Variants in FRMD3 observed in about 807,000 individuals in gnomAD.
FRMD3 encodes the protein FERM domain-containing protein 3.
Under a neutral mutation model 70.2 loss-of-function variants are expected in FRMD3, and 33 were observed. The observed-to-expected ratio is 0.47, with a 90% CI of 0.36 to 0.63. The LOEUF (loss-of-function observed/expected upper bound fraction) is 0.63, where lower values mean the gene tolerates loss of function less well. Ranked by LOEUF, FRMD3 falls within the 20% of genes least tolerant of loss-of-function variation. The pLI is 0.00. For synonymous variants in FRMD3, 279 were observed against 255.9 expected, an observed-to-expected ratio of 1.09 and a Z score of -0.86; for missense variants, 632 against 711.4, an observed-to-expected ratio of 0.89 and a Z score of 1.27.
chr9:83,470,057 A>C (rs540555837), intron 1 of FRMD3, among the ~76,000 whole-genome samples: 1 of 152,328 alleles, frequency 6.6e-6, no homozygotes, highest in South Asian at 2.1e-4. Flanking sequence ...GGAGCTATGA[A>C]CTCATAACCA....
intron 6 of FRMD3, among the ~76,000 whole-genome samples, chr9:83,328,912 A>G (rs1018739483): frequency 6.6e-6 from 1 of 152,244 alleles, no homozygotes; most frequent in African/African-American, 2.4e-5. Flanking sequence ...TCTATGCATA[A>G]GTTAGAATCA....
intron 13 of FRMD3, among the ~76,000 whole-genome samples, chr9:83,283,825 G>A (rs1834077238): frequency 6.6e-6 from 1 of 151,952 alleles, no homozygotes; most frequent in Admixed American, 6.6e-5. Flanking sequence ...TTCTAATTTA[G>A]GACATTTAAC....
At chr9:83,510,917 GAAATGTCCTA>G (rs1187399788) in intron 1 of FRMD3, among the ~76,000 whole-genome samples, 1 of 152,198 alleles carries the variant, frequency 6.6e-6, no homozygotes, top group African/African-American at 2.4e-5. Context: ...CTGGAAGGAT[GAAATGTCCTA>G]AAATTGACTG....
At chr9:83,452,459 C>A (rs1156772959) in intron 1 of FRMD3, among the ~76,000 whole-genome samples, 5 of 127,580 alleles carry the variant, frequency 3.9e-5, no homozygotes, top group Non-Finnish European at 6.6e-5. Flanking sequence ...CCCGTATGAA[C>A]TAATGCTTGA....
intron 2 of FRMD3, among the ~76,000 whole-genome samples, chr9:83,383,261 T>G (rs1825412073): frequency 6.6e-6 from 1 of 152,216 alleles, no homozygotes. Flanking sequence ...TGAGCCCTGC[T>G]CAAATCCCTG....
At chr9:83,265,183 GA>G (rs1397368924) in intron 13 of FRMD3, among the ~76,000 whole-genome samples, 1 of 152,006 alleles carries the variant, frequency 6.6e-6, no homozygotes, top group Non-Finnish European at 1.5e-5. Context: ...GGCGGATCAC[GA>G]GGTCAGGAGA....
Position 83,444,900 on chromosome 9 carries a change from G to A in FRMD3, c.148-55192C>T, listed in dbSNP as rs562762712. On this transcript the variant is annotated intron_variant, in intron 1 of 13. Transcript: ENST00000304195. ...GCTTCCAGGAAGTTCAAAGCCAAATGCATGATCCTGCAACAACTATGCCAA... is the reference window on the plus strand; with the variant it reads ...GCTTCCAGGAAGTTCAAAGCCAAATACATGATCCTGCAACAACTATGCCAA... Among the ~76,000 whole-genome samples, 12 of 152,320 alleles carry A rather than the reference G, an allele frequency of 7.9e-5. No homozygotes were observed. In the South Asian group the frequency reaches 2.5e-3, roughly 32 times the overall value.
At chr9:83,264,248 T>C (rs1833123494) in intron 13 of FRMD3, among the ~76,000 whole-genome samples, 1 of 152,116 alleles carries the variant, frequency 6.6e-6, no homozygotes, top group African/African-American at 2.4e-5. Context: ...CTAATTGACA[T>C]TCTGAAAAAG....
chr9:83,456,575 G>A (rs1310342804), intron 1 of FRMD3, among the ~76,000 whole-genome samples: 1 of 152,196 alleles, frequency 6.6e-6, no homozygotes, highest in East Asian at 1.9e-4. Context: ...AATGCACCAT[G>A]TATTATGTTC....
intron 10 of FRMD3, 50 bp downstream of exon 10, chr9:83,309,486 T>C: frequency 9.1e-7 from 1 of 1,104,162 alleles, no homozygotes; most frequent in Non-Finnish European, 1.3e-6. Context: ...ACATAAAGAA[T>C]TCCATGGGTG....
chr9:83,362,175 TTCTCTCTCTCTCTCTCTCTC>T (rs67469418), intron 3 of FRMD3, among the ~76,000 whole-genome samples: 1 of 146,922 alleles, frequency 6.8e-6, no homozygotes, highest in African/African-American at 2.5e-5. Context: ...ATGCTGTTGG[TTCTCTCTCTCTCTCTCTCTC>T]TCTCTCTCTC....
intron 1 of FRMD3, among the ~76,000 whole-genome samples, chr9:83,512,822 A>C (rs1829368038): frequency 6.6e-6 from 1 of 152,200 alleles, no homozygotes; most frequent in Non-Finnish European, 1.5e-5. Context: ...TCACTGAGAC[A>C]GTGGAATTTT....
chr9:83,343,158 A>C (rs1286656605), intron 5 of FRMD3, 32 bp downstream of exon 5: 1 of 1,443,404 alleles, frequency 6.9e-7, no homozygotes, highest in Non-Finnish European at 9.8e-7. Flanking sequence ...CACAGTGCAA[A>C]GGTGGCGTGG....
the FRMD3 span, among the ~76,000 whole-genome samples, chr9:83,547,464 G>T: frequency 6.6e-6 from 1 of 151,464 alleles, no homozygotes; most frequent in East Asian, 1.9e-4. Flanking sequence ...AAAATAAAGT[G>T]ATCAATTCAT....
At chr9:83,288,505 A>T (rs1463939778) in intron 13 of FRMD3, among the ~76,000 whole-genome samples, 1 of 152,254 alleles carries the variant, frequency 6.6e-6, no homozygotes, top group Admixed American at 6.5e-5. Flanking sequence ...TTTAAAACCC[A>T]CAAAGATGTT....
chr9:83,563,021 G>T, the FRMD3 span, among the ~76,000 whole-genome samples: 1 of 151,396 alleles, frequency 6.6e-6, no homozygotes, highest in East Asian at 1.9e-4. Context: ...CCGAATGAAT[G>T]AATGCAATGT....
chr9:83,372,402 G>A (rs148960149), intron 3 of FRMD3, among the ~76,000 whole-genome samples: 290 of 151,774 alleles, frequency 1.9e-3, no homozygotes, highest in African/African-American at 6.4e-3. Context: ...TCAGAACATC[G>A]GAGATTTAAA....
At chr9:83,356,580 G>C (rs558527309) in intron 3 of FRMD3, among the ~76,000 whole-genome samples, 2 of 150,884 alleles carry the variant, frequency 1.3e-5, no homozygotes, top group Non-Finnish European at 3.0e-5. Flanking sequence ...CCGGCCAGCA[G>C]CTTTTTTTTT....
chr9:83,492,783 G>A (rs1456744125), intron 1 of FRMD3, among the ~76,000 whole-genome samples: 1 of 152,170 alleles, frequency 6.6e-6, no homozygotes, highest in Admixed American at 6.5e-5. Context: ...CTCACCAGCA[G>A]CCTTCTGGTG....
Sources: gnomAD v4.1 joint callset for allele counts (sites outside exome capture counted in the v4.1 genomes callset) on GRCh38, gnomAD v4.1.1 for gene constraint, MANE v1.5 for transcripts, NCBI Gene and HGNC (gene_info 2026-07-23, HGNC 2026-07-21) for gene names.